Variants in RPAP2 observed in about 807,000 individuals in gnomAD.
RPAP2 encodes the protein putative RNA polymerase II subunit B1 CTD phosphatase RPAP2.
Under a neutral mutation model 73.1 loss-of-function variants are expected in RPAP2, and 52 were observed. The ratio of observed to expected loss-of-function variants is 0.71; its 90% CI spans 0.57 to 0.90. RPAP2 has a LOEUF of 0.90. Among genes scored for constraint, RPAP2 ranks in the 40% least tolerant of loss-of-function variants. The pLI, the probability that RPAP2 is intolerant of heterozygous loss-of-function variation, is 0.00. For synonymous variants in RPAP2, 225 were observed against 242.1 expected, an observed-to-expected ratio of 0.93 and a Z score of 0.65; for missense variants, 598 against 701.8, an observed-to-expected ratio of 0.85 and a Z score of 1.67.
intron 11 of RPAP2, among the ~76,000 whole-genome samples, chr1:92,357,094 T>TACACACACACAC (rs34488806): frequency 3.5e-5 from 5 of 144,756 alleles, no homozygotes; most frequent in African/African-American, 1.0e-4. Flanking sequence ...AAGGATTACA[T>TACACACACACAC]ACACACACAC....
Position 92,392,581 on chromosome 1 carries a change from G to C in RPAP2, c.*5570G>C, listed in dbSNP as rs1005610082. On this transcript the variant is annotated 3_prime_UTR_variant, in exon 13 of 13. Coordinates refer to ENST00000610020, the MANE Select transcript of RPAP2 (RefSeq NM_024813.3). ...AATAAAGCATATTCAAATAGGAAGA[G>C]AGGAAGTCAAATTGTCTCTGTTTGC... 1.3e-5 allele frequency: 2 copies of C among 152,218 alleles called. No individual in the cohort carries two copies. The highest frequency in any genetic ancestry group is 2.4e-5 in the African/African-American group (1 of 41,458). The allele number at this position is 152,218 out of a possible 1,614,324, so 9.4% of individuals were successfully genotyped here. A position where few individuals can be genotyped will look rare whatever the true frequency, so the allele number is the denominator to read the frequency against.
intron 11 of RPAP2, among the ~76,000 whole-genome samples, chr1:92,359,480 C>T (rs968300115): frequency 6.6e-6 from 1 of 152,142 alleles, no homozygotes; most frequent in East Asian, 1.9e-4. Flanking sequence ...CCACCATGCC[C>T]GTCTAATTTT....
At chr1:92,319,493 C>A (rs1024276423) in intron 6 of RPAP2, among the ~76,000 whole-genome samples, 2 of 152,084 alleles carry the variant, frequency 1.3e-5, no homozygotes, top group Non-Finnish European at 2.9e-5. Context: ...CTGGCAGGCG[C>A]GGTGGCTCAC....
chr1:92,308,733 G>T (rs1651393871), intron 6 of RPAP2, among the ~76,000 whole-genome samples: 1 of 152,176 alleles, frequency 6.6e-6, no homozygotes, highest in East Asian at 1.9e-4. Context: ...GCCAAGGTGG[G>T]TGGATCACTT....
intron 5 of RPAP2, among the ~76,000 whole-genome samples, chr1:92,305,573 C>T (rs917749262): frequency 2.7e-5 from 4 of 149,586 alleles, no homozygotes; most frequent in African/African-American, 9.9e-5. Flanking sequence ...TTTTGTTCAT[C>T]AGAAGTTTCA....
chr1:92,303,852 C>T, intron 3 of RPAP2, 125 bp from the exon 4 acceptor site: 1 of 543,636 alleles, frequency 1.8e-6, no homozygotes, highest in South Asian at 4.0e-5. Context: ...ATTCTAACCT[C>T]TAACTTATGA....
chr1:92,342,476 A>G (rs185303418), intron 10 of RPAP2, among the ~76,000 whole-genome samples: 2 of 152,224 alleles, frequency 1.3e-5, no homozygotes, highest in East Asian at 3.9e-4. Context: ...TCATTCTTTG[A>G]CCTTTACTCT....
intron 12 of RPAP2, 52 bp downstream of exon 12, chr1:92,380,925 G>T: frequency 2.8e-6 from 4 of 1,417,164 alleles, no homozygotes. Context: ...TGTTGCCTAT[G>T]TGGATTCTTT....
At chr1:92,383,218 G>A (rs1405131328) in intron 12 of RPAP2, among the ~76,000 whole-genome samples, 14 of 152,096 alleles carry the variant, frequency 9.2e-5, no homozygotes, top group South Asian at 2.1e-4. Flanking sequence ...CTCCAGCTTT[G>A]TTCTTTTGGC....
intron 8 of RPAP2, among the ~76,000 whole-genome samples, chr1:92,327,437 TG>T (rs1652700643): frequency 6.6e-6 from 1 of 152,264 alleles, no homozygotes; most frequent in African/African-American, 2.4e-5. Flanking sequence ...TTTAAACTGC[TG>T]TTGCTTTAAA....
At position 92,389,706 on chromosome 1, in the gene RPAP2, T is replaced by G. The variant is rs1655981259; in HGVS notation, c.*2695T>G. ...AGTGTAGAGAAGAGCTTAAATGACC[T>G]GATGGAGCTGAAAACCACAGTACGG... On this transcript the variant is annotated 3_prime_UTR_variant, in exon 13 of 13. Coordinates refer to ENST00000610020, the MANE Select transcript of RPAP2 (RefSeq NM_024813.3). The G allele has an allele frequency of 6.6e-6, 1 of 152,166 alleles. No homozygotes were observed. The highest frequency in any genetic ancestry group is 6.5e-5 in the Admixed American group (1 of 15,274). The allele number at this position is 152,166 out of a possible 1,614,324, so 9.4% of individuals were successfully genotyped here.
rs1452090195 is a variant in RPAP2, at chr1:92,324,322, A to C, written c.1402A>C (p.Arg468=). The change falls in exon 8 of 13, where the codon AGA becomes CGA. Residue 468 remains arginine (R), a synonymous_variant. Transcript: ENST00000610020. ...KLNLRIREFY[R]GRYVLGEETT... is the part of the protein sequence containing the mutation. ...AAATCTGAGGATCAGGGAGTTTTACAGAGGACGGTATGTTTTGGGTGAAGA... is the reference window on the plus strand; with the variant it reads ...AAATCTGAGGATCAGGGAGTTTTACCGAGGACGGTATGTTTTGGGTGAAGA... The C allele has an allele frequency of 3.7e-6, 6 of 1,613,996 alleles. No homozygotes were observed. Among genetic ancestry groups the C allele is most frequent in the Non-Finnish European group, 2.5e-6 (3 of 1,179,990 alleles).
chr1:92,347,512 GTATTATCATCA>G (rs1178560725), intron 11 of RPAP2, among the ~76,000 whole-genome samples: 12 of 152,182 alleles, frequency 7.9e-5, no homozygotes, highest in African/African-American at 2.9e-4. Flanking sequence ...CTTACTGAAA[GTATTATCATCA>G]TGAGCACTGC....
chr1:92,301,696 C>T (rs1235440425), intron 3 of RPAP2, 106 bp downstream of exon 3: 1 of 463,248 alleles, frequency 2.2e-6, no homozygotes, highest in Non-Finnish European at 3.8e-6. Flanking sequence ...TGTTCTGAGT[C>T]ATTAGATGCA....
At position 92,389,491 on chromosome 1, in the gene RPAP2, A is replaced by C. The variant is rs916345242; in HGVS notation, c.*2480A>C. The C allele has an allele frequency of 3.3e-5, 5 of 152,238 alleles. No individual in the cohort carries two copies. The highest frequency in any genetic ancestry group is 7.3e-5 in the Non-Finnish European group (5 of 68,044). 9.4% of individuals were successfully genotyped at this position (152,238 alleles called of 1,614,324 possible). Reference sequence around the variant, plus strand: ...AAAACCAGAATGCCTCTTCTCCTCCAAAGGAACACAACTCCTTGCCAGCAA... The same window carrying C: ...AAAACCAGAATGCCTCTTCTCCTCCCAAGGAACACAACTCCTTGCCAGCAA... On this transcript the variant is annotated 3_prime_UTR_variant, in exon 13 of 13. Transcript: ENST00000610020.
Position 92,400,055 on chromosome 1 carries a change from A to G in RPAP2, c.*13044A>G, listed in dbSNP as rs954855833. On this transcript the variant is annotated 3_prime_UTR_variant, in exon 13 of 13. Coordinates refer to ENST00000610020, the MANE Select transcript of RPAP2 (RefSeq NM_024813.3). ...CAAGATCAGCCAGTTTTAGCAGAGC[A>G]GTTGCTAAAACCCAGGTCTCAAACT... 1 of 152,270 alleles carries G rather than the reference A, an allele frequency of 6.6e-6. No individual in the cohort carries two copies. The highest frequency in any genetic ancestry group is 1.9e-4 in the East Asian group (1 of 5,204). 9.4% of individuals were successfully genotyped at this position (152,270 alleles called of 1,614,324 possible).
At chr1:92,338,696 G>A (rs1204554055) in intron 10 of RPAP2, among the ~76,000 whole-genome samples, 1 of 150,772 alleles carries the variant, frequency 6.6e-6, no homozygotes, top group Admixed American at 6.6e-5. Flanking sequence ...AGTTGCCCAG[G>A]CTGGAGTTCA....
At chr1:92,330,538 C>T (rs1331323237) in intron 8 of RPAP2, among the ~76,000 whole-genome samples, 1 of 148,102 alleles carries the variant, frequency 6.8e-6, no homozygotes. Flanking sequence ...AACTCCACCT[C>T]CTGGGTTCGA....
intron 11 of RPAP2, among the ~76,000 whole-genome samples, chr1:92,361,496 G>A (rs898821507): frequency 3.3e-5 from 5 of 151,988 alleles, no homozygotes; most frequent in Non-Finnish European, 5.9e-5. Flanking sequence ...TGCATTGCAC[G>A]TGAAAAAACA....
Sources: gnomAD v4.1 joint callset for allele counts (sites outside exome capture counted in the v4.1 genomes callset) on GRCh38, gnomAD v4.1.1 for gene constraint, MANE v1.5 for transcripts, NCBI Gene and HGNC (gene_info 2026-07-23, HGNC 2026-07-21) for gene names.